DHRSX: variants seen among roughly 807,000 people sequenced by gnomAD.
DHRSX encodes dehydrogenase/reductase X-linked.
In DHRSX, 31 loss-of-function variants were observed where a neutral mutation model predicts 34.0. The ratio of observed to expected loss-of-function variants is 0.91; its 90% CI spans 0.69 to 1.23. The LOEUF (loss-of-function observed/expected upper bound fraction) is 1.23. Ranked by LOEUF, DHRSX falls within the 50% of genes most tolerant of loss-of-function variation. The pLI, the probability that DHRSX is intolerant of heterozygous loss-of-function variation, is 0.00. For missense variants in DHRSX, 414 were observed against 428.1 expected, an observed-to-expected ratio of 0.97 and a Z score of 0.29; for synonymous variants, 201 against 183.8, an observed-to-expected ratio of 1.09 and a Z score of -0.76.
At chrX:2,461,925 C>T (rs141749884) in intron 1 of DHRSX, among the ~76,000 whole-genome samples, 2 of 152,062 alleles carry the variant, frequency 1.3e-5, no homozygotes, top group Admixed American at 6.5e-5. Context: ...TGGGCTCAAG[C>T]GATCCACCGG....
At chrX:2,489,364 G>A (rs993936651) in intron 1 of DHRSX, 4 of 1,613,854 alleles carry the variant, frequency 2.5e-6, no homozygotes, top group African/African-American at 1.3e-5. Context: ...AAAGCTCCTT[G>A]GCGATGACCT....
In DHRSX at chrX:2,343,680, G is replaced by A. The variant is rs760842572; in HGVS notation, c.287-52077C>T. Among the ~76,000 whole-genome samples, 88 of 152,288 alleles carry A rather than the reference G, an allele frequency of 5.8e-4. 1 individual carries two copies. The East Asian group carries it at 0.012, about 20-fold the overall frequency. Reference sequence around the variant, plus strand: ...CAAAGGCTCTTCCTTGCAAGATGGCGACCACTGATGGCCCTCCAGGGCCAG... The same window carrying A: ...CAAAGGCTCTTCCTTGCAAGATGGCAACCACTGATGGCCCTCCAGGGCCAG... On this transcript the variant is annotated intron_variant, in intron 3 of 6. Coordinates refer to ENST00000334651, the MANE Select transcript of DHRSX (RefSeq NM_145177.3).
chrX:2,468,006 C>T (rs2044523808), intron 1 of DHRSX, among the ~76,000 whole-genome samples: 1 of 150,722 alleles, frequency 6.6e-6, no homozygotes. Context: ...GAAAGGTGCA[C>T]AAATGCAGCC....
intron 3 of DHRSX, among the ~76,000 whole-genome samples, chrX:2,358,061 T>C (rs1384465197): frequency 6.6e-6 from 1 of 152,208 alleles, no homozygotes; most frequent in Non-Finnish European, 1.5e-5. Context: ...GCTAGGGTTA[T>C]GCTACTTTGT....
chrX:2,461,146 T>G (rs2044397046), intron 1 of DHRSX, among the ~76,000 whole-genome samples: 1 of 152,160 alleles, frequency 6.6e-6, no homozygotes. Flanking sequence ...GTGGATCCAG[T>G]TTTGGAAGCG....
At chrX:2,271,563 T>C (rs1389962318) in intron 4 of DHRSX, among the ~76,000 whole-genome samples, 1 of 152,204 alleles carries the variant, frequency 6.6e-6, no homozygotes, top group African/African-American at 2.4e-5. Context: ...ATTTATTCCC[T>C]GAGCTTATGC....
intron 3 of DHRSX, among the ~76,000 whole-genome samples, chrX:2,328,607 A>T (rs192671727): frequency 1.8e-3 from 273 of 152,270 alleles, no homozygotes; most frequent in African/African-American, 6.1e-3. Flanking sequence ...CTATGAGGAC[A>T]CAGGGAGAAG....
chrX:2,359,058 T>C (rs965562392), intron 3 of DHRSX, among the ~76,000 whole-genome samples: 12 of 151,724 alleles, frequency 7.9e-5, no homozygotes, highest in African/African-American at 2.7e-4. Context: ...AGATACCATC[T>C]CACACCAGTC....
chrX:2,293,672 C>T (rs1412483994), intron 3 of DHRSX, among the ~76,000 whole-genome samples: 2 of 152,086 alleles, frequency 1.3e-5, no homozygotes, highest in African/African-American at 2.4e-5. Flanking sequence ...AAGAGAACAG[C>T]CTTGATCTGC....
At chrX:2,458,098 G>A (rs942755510) in intron 1 of DHRSX, among the ~76,000 whole-genome samples, 2 of 152,050 alleles carry the variant, frequency 1.3e-5, no homozygotes, top group Non-Finnish European at 2.9e-5. Flanking sequence ...TGTACACACT[G>A]AAGACATTCG....
intron 1 of DHRSX, among the ~76,000 whole-genome samples, chrX:2,480,584 G>A (rs2044754109): frequency 6.6e-6 from 1 of 151,852 alleles, no homozygotes; most frequent in Non-Finnish European, 1.5e-5. Context: ...TTGGGAGGCT[G>A]AGGCAGGAGG....
At chrX:2,443,549 G>A (rs886205578) in intron 1 of DHRSX, among the ~76,000 whole-genome samples, 5 of 152,104 alleles carry the variant, frequency 3.3e-5, no homozygotes, top group African/African-American at 2.4e-5. Context: ...CTGCATGACA[G>A]GGGAAATGAT....
chrX:2,371,690 C>CGCCCCTCCTCCTCCCATTATCACA lies in DHRSX; in HGVS notation c.286+37031_286+37054dup, dbSNP rs1477990366. On this transcript the variant is annotated intron_variant, in intron 3 of 6. Transcript: ENST00000334651. ...TAGTCCCTCCTCCTCCCATTATCAC[C>CGCCCCTCCTCCTCCCATTATCACA]GCCCCTCCTCCTCCCATTATCACAG... Among the ~76,000 whole-genome samples, 208 of 112,558 alleles carry CGCCCCTCCTCCTCCCATTATCACA rather than the reference C, an allele frequency of 1.8e-3. 2 individuals carry two copies. Among genetic ancestry groups the CGCCCCTCCTCCTCCCATTATCACA allele is most frequent in the Middle Eastern group, 7.9e-3 (2 of 254 alleles). 73.8% of individuals were successfully genotyped at this position (112,558 alleles called of 152,430 possible).
At chrX:2,416,385 G>A (rs1160390270) in intron 2 of DHRSX, among the ~76,000 whole-genome samples, 1 of 152,084 alleles carries the variant, frequency 6.6e-6, no homozygotes, top group African/African-American at 2.4e-5. Context: ...CTGTACAAGA[G>A]ATTTCTTATA....
At chrX:2,355,511 T>TAAAAAAAAAAAAAAAAAAAAAAAAAAAAA in intron 3 of DHRSX, among the ~76,000 whole-genome samples, 1 of 75,310 alleles carries the variant, frequency 1.3e-5, no homozygotes, top group Admixed American at 2.3e-4. Context: ...AGACCCCATC[T>TAAAAAAAAAAAAAAAAAAAAAAAAAAAAA]AAAAAAAAAA....
intron 3 of DHRSX, among the ~76,000 whole-genome samples, chrX:2,349,223 A>C (rs1251254333): frequency 1.3e-5 from 2 of 152,190 alleles, no homozygotes; most frequent in Admixed American, 1.3e-4. Flanking sequence ...CAGTATTCAC[A>C]ATCACCAAGA....
At chrX:2,447,287 G>C (rs575872191) in intron 1 of DHRSX, among the ~76,000 whole-genome samples, 3 of 151,888 alleles carry the variant, frequency 2.0e-5, no homozygotes, top group African/African-American at 4.8e-5. Flanking sequence ...GACTGCCACC[G>C]TGTACACACT....
At chrX:2,298,648 T>A (rs2041973675) in intron 3 of DHRSX, among the ~76,000 whole-genome samples, 1 of 114,546 alleles carries the variant, frequency 8.7e-6, no homozygotes, top group African/African-American at 7.5e-5. Flanking sequence ...GAGGTCTTAT[T>A]TTCACTGCTC....
chrX:2,460,781 T>G (rs374195927), intron 1 of DHRSX, among the ~76,000 whole-genome samples: 101 of 152,056 alleles, frequency 6.6e-4, no homozygotes, highest in East Asian at 1.7e-3. Flanking sequence ...CAAGGTCTCA[T>G]TATGTTGACC....
Sources: gnomAD v4.1 joint callset for allele counts (sites outside exome capture counted in the v4.1 genomes callset) on GRCh38, gnomAD v4.1.1 for gene constraint, MANE v1.5 for transcripts, NCBI Gene and HGNC (gene_info 2026-07-23, HGNC 2026-07-21) for gene names.